TARS2: variants seen among roughly 807,000 people sequenced by gnomAD.
TARS2 encodes threonine--tRNA ligase, mitochondrial.
TARS2 carries 61 observed loss-of-function variants against 94.4 expected under a neutral mutation model. The ratio of observed to expected loss-of-function variants is 0.65; its 90% CI spans 0.53 to 0.80. TARS2 has a LOEUF of 0.80. Among genes scored for constraint, TARS2 ranks in the 30% least tolerant of loss-of-function variants. The pLI is 0.00. For synonymous variants in TARS2, 359 were observed against 353.4 expected (o/e 1.02, Z -0.18); for missense variants, 704 against 902.5 (o/e 0.78, Z 2.82).
chr1:150,499,276 G>A lies in TARS2; in HGVS notation c.1600G>A (p.Ala534Thr). The part of the protein sequence containing the change: ...EPWDLNSGDG[A>T]FYGPKIDVHL... ...CTGGGACCTCAACTCTGGAGATGGTGCCTTCTATGGACCTAAGGTAAGCTT... is the reference window on the plus strand; with the variant it reads ...CTGGGACCTCAACTCTGGAGATGGTACCTTCTATGGACCTAAGGTAAGCTT... Residue 534 changes from alanine to threonine, a missense_variant, in exon 13 of 18, where the codon GCC becomes ACC. Around this residue, in one of 3 missense-constraint regions of TARS2, gnomAD observed 466 missense variants for 609.5 expected, o/e 0.76. Coordinates refer to ENST00000369064, the MANE Select transcript of TARS2 (RefSeq NM_025150.5). 1 of 1,614,138 alleles carries A rather than the reference G, an allele frequency of 6.2e-7. No individual in the cohort carries two copies. Among genetic ancestry groups the A allele is most frequent in the Non-Finnish European group, 8.5e-7 (1 of 1,180,022 alleles).
chr1:150,493,517 G>C (rs1410164373), intron 7 of TARS2, among the ~76,000 whole-genome samples: 1 of 152,136 alleles, frequency 6.6e-6, no homozygotes, highest in Non-Finnish European at 1.5e-5. Flanking sequence ...ACTTTGGGAA[G>C]CCGAGGTGGG....
chr1:150,503,571 G>A (rs866599290), intron 13 of TARS2, among the ~76,000 whole-genome samples: 2,885 of 86,630 alleles, frequency 0.033, 62 homozygotes, highest in Non-Finnish European at 0.038. Context: ...GTGTGTGTGT[G>A]TGTGTGTATA....
intron 2 of TARS2, 42 bp from the exon 3 acceptor site, chr1:150,488,917 CCTTGT>C (rs1669261621): frequency 6.3e-7 from 1 of 1,585,670 alleles, no homozygotes; most frequent in African/African-American, 1.4e-5. Context: ...CCTTTTTGTG[CCTTGT>C]AACCCTGTCT....
At position 150,504,749 on chromosome 1, in the gene TARS2, T is replaced by G. The variant is rs1158312231; in HGVS notation, c.1820+16T>G. On this transcript the variant is annotated intron_variant, in intron 15 of 17. Coordinates refer to ENST00000369064, the MANE Select transcript of TARS2 (RefSeq NM_025150.5). ...GGGGGAAATGGTGAGACCTCTGACC[T>G]GGATTTCTGTTCTGGCCCCAAACCG... is the stretch of plus-strand genomic sequence containing the variant. 6.2e-7 allele frequency: 1 copy of G among 1,613,820 alleles called. No homozygotes were observed. The highest frequency in any genetic ancestry group is 1.3e-5 in the African/African-American group (1 of 74,918).
Position 150,497,846 on chromosome 1 carries a change from C to A in TARS2, c.1238+99C>A, listed in dbSNP as rs11590324. 475,003 of 1,262,418 alleles carry A rather than the reference C, an allele frequency of 0.38. 92,658 individuals carry two copies. Among genetic ancestry groups the A allele is most frequent in the Middle Eastern group, 0.41 (1,686 of 4,070 alleles). 78.2% of individuals were successfully genotyped at this position (1,262,418 alleles called of 1,614,324 possible). ...GTGGCTCACGCCTGTAATCCCAACA[C>A]TTTGGGAGGCCGAGGCGGGCGGATC... On this transcript the variant is annotated intron_variant, in intron 10 of 17. Transcript: ENST00000369064.
intron 3 of TARS2, 33 bp from the exon 4 acceptor site, chr1:150,490,568 A>G (rs746454054): frequency 6.2e-7 from 1 of 1,604,860 alleles, no homozygotes; most frequent in South Asian, 1.1e-5. Context: ...GGAGAAGTTT[A>G]TGAACTTGTG....
intron 9 of TARS2, 80 bp downstream of exon 9, chr1:150,496,988 A>T: frequency 7.0e-7 from 1 of 1,420,924 alleles, no homozygotes; most frequent in Non-Finnish European, 9.8e-7. Context: ...TTGTGTTAAA[A>T]GATGGGGGTT....
intron 7 of TARS2, 44 bp downstream of exon 7, chr1:150,492,533 C>A (rs113652065): frequency 3.8e-6 from 6 of 1,599,040 alleles, no homozygotes; most frequent in South Asian, 3.3e-5. Flanking sequence ...TATTTTGAGC[C>A]GGGCATGGTG....
At chr1:150,500,401 C>T (rs1001592716) in intron 13 of TARS2, among the ~76,000 whole-genome samples, 2 of 149,996 alleles carry the variant, frequency 1.3e-5, no homozygotes, top group African/African-American at 2.5e-5. Flanking sequence ...ACCAGCCTGG[C>T]CAACGTGGCG....
intron 10 of TARS2, 125 bp downstream of exon 10, chr1:150,497,872 A>G: frequency 3.1e-6 from 3 of 965,482 alleles, no homozygotes; most frequent in Non-Finnish European, 4.5e-6. Context: ...CGGGCGGATC[A>G]CCTGAGGTCG....
At position 150,489,803 on chromosome 1, in the gene TARS2, G is replaced by A. The variant is rs1161913206; in HGVS notation, c.387+716G>A. ...CTAAAAATACAAAAATTAGCTGGGC[G>A]TGGTGGTGAGCACTTGTCATCCCAG... On this transcript the variant is annotated intron_variant, in intron 3 of 17. Transcript: ENST00000369064. Among the ~76,000 whole-genome samples, 7 of 152,254 alleles carry A rather than the reference G, an allele frequency of 4.6e-5. No homozygotes were observed. The East Asian group carries it at 7.7e-4, about 17-fold the overall frequency.
Position 150,498,548 on chromosome 1 carries a change from C to T in TARS2, c.1285C>T (p.Arg429Ter), listed in dbSNP as rs1382181446. Residue 429 changes from arginine (R) to a stop codon, truncating the protein, a stop_gained, in exon 11 of 18, where the codon CGA (arginine) becomes TGA (stop). Transcript: ENST00000369064. LOFTEE classifies it high-confidence loss of function. ...CAGATCCTGGCGGGAACTGCCCCTG[C>T]GACTAGCTGACTTTGGGGCTCTACA... Reference protein sequence around the residue: ...RPRSWRELPLRLADFGALHRA... With the variant: ...RPRSWRELPL 14 of 1,602,218 alleles carry T rather than the reference C, an allele frequency of 8.7e-6. No homozygotes were observed. Among genetic ancestry groups the T allele is most frequent in the African/African-American group, 4.0e-5 (3 of 74,078 alleles).
chr1:150,507,034 G>A lies in TARS2; in HGVS notation c.2127G>A (p.Thr709=), dbSNP rs774814779. 8.7e-6 allele frequency: 14 copies of A among 1,613,980 alleles called. No homozygotes were observed. Among genetic ancestry groups the A allele is most frequent in the African/African-American group, 8.0e-5 (6 of 74,886 alleles). Residue 709 remains threonine (T), a synonymous_variant, in exon 18 of 18, where the codon ACG becomes ACA. Transcript: ENST00000369064. ...AGCGACTGGTGGAGCTACAGAACAC[G>A]AGGGTCCCAAATGCCGAAGAAATTT... is the stretch of plus-strand genomic sequence containing the variant. The part of the protein sequence containing the change: ...AVQRLVELQN[T]RVPNAEEIF
At chr1:150,505,038 G>T in intron 16 of TARS2, 60 bp downstream of exon 16, 1 of 1,567,624 alleles carries the variant, frequency 6.4e-7, no homozygotes, top group Non-Finnish European at 8.7e-7. Flanking sequence ...CTGGTGCCCT[G>T]CAGTGGGCAG....
At chr1:150,498,777 A>G (rs762725749) in intron 11 of TARS2, 113 bp downstream of exon 11, 126 of 1,607,348 alleles carry the variant, frequency 7.8e-5, no homozygotes, top group Middle Eastern at 1.7e-4. Context: ...ATTCAGCTAC[A>G]TTCTACCCCC....
intron 1 of TARS2, 80 bp downstream of exon 1, chr1:150,487,596 C>A: frequency 6.4e-7 from 1 of 1,566,078 alleles, no homozygotes; most frequent in Non-Finnish European, 8.7e-7. Context: ...GTTAACCCAG[C>A]CTCACGCCAC....
Position 150,503,675 on chromosome 1 carries a change from G to GTATATATGTGTA in TARS2, c.1618-648_1618-637dup, listed in dbSNP as rs1159177541. Reference sequence around the variant, plus strand: ...TGTATATATGTGTGTATATATGTGTGTATATATGTGTATATATATGTGTGT... The same window carrying GTATATATGTGTA: ...TGTATATATGTGTGTATATATGTGTGTATATATGTGTATATATATGTGTATATATATGTGTGT... On this transcript the variant is annotated intron_variant, in intron 13 of 17. Coordinates refer to ENST00000369064, the MANE Select transcript of TARS2 (RefSeq NM_025150.5). 4.2e-5 allele frequency among the ~76,000 whole-genome samples: 5 copies of GTATATATGTGTA among 118,144 alleles called. No individual in the cohort carries two copies. The Admixed American group carries it at 5.3e-4, about 12-fold the overall frequency. 77.5% of individuals were successfully genotyped at this position (118,144 alleles called of 152,430 possible). A position where few individuals can be genotyped will look rare whatever the true frequency, so the allele number is the denominator to read the frequency against.
At chr1:150,489,189 C>A in intron 3 of TARS2, 102 bp downstream of exon 3, 1 of 1,560,622 alleles carries the variant, frequency 6.4e-7, no homozygotes, top group Non-Finnish European at 8.8e-7. Context: ...TCTCCATTTG[C>A]AGTTGGGAGG....
intron 13 of TARS2, among the ~76,000 whole-genome samples, chr1:150,503,767 G>C (rs1215956308): frequency 6.6e-6 from 1 of 151,322 alleles, no homozygotes; most frequent in Admixed American, 6.6e-5. Context: ...GCTGGGCGTG[G>C]TGGCATGTAC....
Sources: allele counts gnomAD v4.1 joint callset (sites outside exome capture counted in the v4.1 genomes callset), GRCh38; gene constraint gnomAD v4.1.1; regional missense constraint gnomAD v4.1.1; transcripts MANE v1.5; gene names NCBI Gene and HGNC (gene_info 2026-07-23, HGNC 2026-07-21).